The following ATP2B2 variants were observed in gnomAD, a reference collection of about 807,000 sequenced individuals.
The protein encoded by ATP2B2 is ATPase plasma membrane Ca2+ transporting 2.
In ATP2B2, 15 loss-of-function variants were observed where a neutral mutation model predicts 120.0. The ratio of observed to expected loss-of-function variants is 0.12; its 90% CI spans 0.08 to 0.19. The LOEUF is 0.19. ATP2B2 is among the 10% of genes least tolerant of loss of function. The pLI, the probability that ATP2B2 is intolerant of heterozygous loss-of-function variation, is 1.00. For synonymous variants in ATP2B2, 694 were observed against 700.3 expected (o/e 0.99, Z 0.14); for missense variants, 1,045 against 1,719.8 (o/e 0.61, Z 6.94).
chr3:10,560,223 G>A (rs115617692), intron 2 of ATP2B2, among the ~76,000 whole-genome samples: 50 of 152,282 alleles, frequency 3.3e-4, no homozygotes, highest in African/African-American at 1.1e-3. Flanking sequence ...ATGGCGTGTC[G>A]CAGGCAGGCC....
At chr3:10,461,700 G>A (rs1331489507) in intron 1 of ATP2B2, among the ~76,000 whole-genome samples, 1 of 152,092 alleles carries the variant, frequency 6.6e-6, no homozygotes, top group African/African-American at 2.4e-5. Context: ...CTCGTGCTTT[G>A]GGGCTCCTGT....
intron 1 of ATP2B2, among the ~76,000 whole-genome samples, chr3:10,673,127 G>A (rs1170542269): frequency 6.6e-6 from 1 of 152,284 alleles, no homozygotes; most frequent in East Asian, 1.9e-4. Context: ...GTGCTGATAT[G>A]AGAGTATCTG....
intron 2 of ATP2B2, among the ~76,000 whole-genome samples, chr3:10,580,773 T>C (rs1246495470): frequency 6.6e-6 from 1 of 152,212 alleles, no homozygotes; most frequent in Non-Finnish European, 1.5e-5. Flanking sequence ...ATAGACCAGG[T>C]GCTGGCCCAA....
At chr3:10,496,753 G>A (rs147505795) in intron 1 of ATP2B2, among the ~76,000 whole-genome samples, 36 of 152,296 alleles carry the variant, frequency 2.4e-4, no homozygotes, top group Non-Finnish European at 4.6e-4. Flanking sequence ...TAAAGTCTCA[G>A]GGGGCCCATC....
At chr3:10,659,335 G>A (rs909717256) in intron 1 of ATP2B2, among the ~76,000 whole-genome samples, 3 of 152,304 alleles carry the variant, frequency 2.0e-5, no homozygotes, top group East Asian at 1.9e-4. Flanking sequence ...TCAGTGTGCT[G>A]TATTCAGGAA....
intron 1 of ATP2B2, among the ~76,000 whole-genome samples, chr3:10,504,650 T>G (rs35441490): frequency 0.16 from 24,278 of 151,524 alleles, 1,970 homozygotes; most frequent in East Asian, 0.25. Context: ...GTTGCTGCTG[T>G]CCGCAACCCA....
At chr3:10,386,644 G>C in intron 6 of ATP2B2, 132 bp from the exon 7 acceptor site, 2 of 1,029,118 alleles carry the variant, frequency 1.9e-6, no homozygotes, top group South Asian at 2.6e-5. Flanking sequence ...TCCTGAAATG[G>C]GGACATGTGG....
intron 1 of ATP2B2, among the ~76,000 whole-genome samples, chr3:10,646,943 C>T (rs2070337102): frequency 6.6e-6 from 1 of 152,098 alleles, no homozygotes; most frequent in Non-Finnish European, 1.5e-5. Flanking sequence ...CAAGAAGCGC[C>T]CTGCAAGTGC....
chr3:10,666,048 G>C (rs1410038120), intron 1 of ATP2B2, among the ~76,000 whole-genome samples: 1 of 152,194 alleles, frequency 6.6e-6, no homozygotes, highest in Admixed American at 6.5e-5. Context: ...TAAAAAGTCT[G>C]TGGCGCCACA....
intron 14 of ATP2B2, among the ~76,000 whole-genome samples, chr3:10,355,207 C>T (rs1397719833): frequency 2.6e-5 from 4 of 152,202 alleles, no homozygotes; most frequent in Non-Finnish European, 5.9e-5. Context: ...ACCTGTAACC[C>T]TGCTGTGTCC....
At chr3:10,381,641 G>A (rs1457949831) in intron 8 of ATP2B2, among the ~76,000 whole-genome samples, 3 of 152,190 alleles carry the variant, frequency 2.0e-5, no homozygotes, top group South Asian at 2.1e-4. Context: ...ACTGGTGCTC[G>A]CCTGGCCCTG....
At chr3:10,387,625 G>A (rs2061718548) in intron 6 of ATP2B2, among the ~76,000 whole-genome samples, 1 of 152,218 alleles carries the variant, frequency 6.6e-6, no homozygotes, top group Non-Finnish European at 1.5e-5. Flanking sequence ...CTTTTTGTTT[G>A]AGCATCTTTC....
chr3:10,666,870 G>C (rs907513750), intron 1 of ATP2B2, among the ~76,000 whole-genome samples: 2 of 152,170 alleles, frequency 1.3e-5, no homozygotes, highest in African/African-American at 2.4e-5. Context: ...AGCCCTTTCA[G>C]GAACACAGTG....
chr3:10,581,965 C>T (rs1047948672), intron 2 of ATP2B2, among the ~76,000 whole-genome samples: 3 of 152,324 alleles, frequency 2.0e-5, no homozygotes, highest in South Asian at 2.1e-4. Flanking sequence ...CCAACTTTTT[C>T]GCCCCAAATG....
intron 12 of ATP2B2, among the ~76,000 whole-genome samples, chr3:10,371,153 C>A (rs997148539): frequency 6.6e-6 from 1 of 152,238 alleles, no homozygotes; most frequent in Non-Finnish European, 1.5e-5. Flanking sequence ...CTGACTTACA[C>A]TGGCCAAGAG....
Position 10,336,197 on chromosome 3 carries a change from C to G in ATP2B2, c.3420+1979G>C, listed in dbSNP as rs1274255390. 22 of 1,550,554 alleles carry G rather than the reference C, an allele frequency of 1.4e-5. No individual in the cohort carries two copies. In the Admixed American group the frequency reaches 4.3e-4, roughly 30 times the overall value. ...ATTGGACAACGACACGCGACTAGGG[C>G]TAGAGAGATTGGCTACATCCTGGCT... On this transcript the variant is annotated intron_variant, in intron 22 of 22. Coordinates refer to ENST00000360273, the MANE Select transcript of ATP2B2 (RefSeq NM_001001331.4).
chr3:10,479,871 GC>G (rs2065342393), intron 1 of ATP2B2, among the ~76,000 whole-genome samples: 2 of 152,272 alleles, frequency 1.3e-5, no homozygotes, highest in Admixed American at 6.5e-5. Context: ...CAAGGTGATT[GC>G]TTGAGCCCAG....
intron 2 of ATP2B2, among the ~76,000 whole-genome samples, chr3:10,419,262 T>G (rs1357371850): frequency 2.6e-5 from 4 of 152,158 alleles, no homozygotes; most frequent in Admixed American, 2.6e-4. Context: ...CTTAATGGAC[T>G]TGGGACAGAC....
At chr3:10,550,277 A>T (rs2125510939) in intron 2 of ATP2B2, among the ~76,000 whole-genome samples, 1 of 152,354 alleles carries the variant, frequency 6.6e-6, no homozygotes, top group East Asian at 1.9e-4. Context: ...GTAAATAGCA[A>T]TAATGCAACA....
Sources: allele counts gnomAD v4.1 joint callset (sites outside exome capture counted in the v4.1 genomes callset), GRCh38; gene constraint gnomAD v4.1.1; transcripts MANE v1.5; gene names NCBI Gene and HGNC (gene_info 2026-07-23, HGNC 2026-07-21).